ZBTB16: variants seen among roughly 807,000 people sequenced by gnomAD.
The protein encoded by ZBTB16 is zinc finger and BTB domain containing 16.
Under a neutral mutation model 56.8 loss-of-function variants are expected in ZBTB16, and 8 were observed. The ratio of observed to expected loss-of-function variants is 0.14; its 90% CI spans 0.08 to 0.25. The LOEUF is 0.25. ZBTB16 is among the 10% of genes least tolerant of loss of function. The pLI is 1.00. For synonymous variants in ZBTB16, 363 were observed against 368.5 expected (o/e 0.98, Z 0.17); for missense variants, 625 against 903.0 (o/e 0.69, Z 3.95).
chr11:114,063,134 CTTACTTT>C lies in ZBTB16; in HGVS notation c.-90-75_-90-69del. ...GGGGGCATGTTGTAGTGGTTGAATT[CTTACTTT>C]TAGGGACACTGATGAATTTGTCTTT... is the stretch of plus-strand genomic sequence containing the variant. On this transcript the variant is annotated intron_variant, in intron 1 of 6. Transcript: ENST00000335953. This position sits in a 1 kb window ranked among gnomAD's most constrained non-coding sequence, Gnocchi z 6.5. 1 of 748,680 alleles carries C rather than the reference CTTACTTT, an allele frequency of 1.3e-6. No individual in the cohort carries two copies. The highest frequency in any genetic ancestry group is 2.7e-5 in the East Asian group (1 of 37,108). 46.4% of individuals were successfully genotyped at this position (748,680 alleles called of 1,614,324 possible).
chr11:114,148,800 T>C (rs1170612661), intron 2 of ZBTB16, among the ~76,000 whole-genome samples: 1 of 151,934 alleles, frequency 6.6e-6, no homozygotes. Flanking sequence ...CCTGCCTGGC[T>C]TTCTTTCTAA....
intron 2 of ZBTB16, among the ~76,000 whole-genome samples, chr11:114,123,830 G>A (rs930973644): frequency 1.3e-5 from 2 of 152,104 alleles, no homozygotes; most frequent in African/African-American, 2.4e-5. Flanking sequence ...GAGCAGTGGA[G>A]CCACCCACCC....
chr11:114,173,996 G>A (rs550092116), intron 3 of ZBTB16, among the ~76,000 whole-genome samples: 8 of 152,314 alleles, frequency 5.3e-5, no homozygotes, highest in African/African-American at 1.2e-4. Context: ...CTAGAAGATC[G>A]TTTGTACGTT....
At chr11:114,233,361 G>A (rs1076045) in intron 4 of ZBTB16, among the ~76,000 whole-genome samples, 6,589 of 152,072 alleles carry the variant, frequency 0.043, 215 homozygotes, top group Non-Finnish European at 0.069. Flanking sequence ...CATATCTGAT[G>A]CTGGGAGGAA....
chr11:114,114,940 C>T (rs1941126419), intron 2 of ZBTB16, among the ~76,000 whole-genome samples: 1 of 152,160 alleles, frequency 6.6e-6, no homozygotes, highest in South Asian at 2.1e-4. Flanking sequence ...GCCTCGGCCT[C>T]CCAAAGTGCT....
chr11:114,221,669 G>A (rs1026552313), intron 4 of ZBTB16, among the ~76,000 whole-genome samples: 1 of 152,122 alleles, frequency 6.6e-6, no homozygotes, highest in African/African-American at 2.4e-5. Flanking sequence ...CTTGGGGGTT[G>A]TTTCTCTCCC....
intron 3 of ZBTB16, among the ~76,000 whole-genome samples, chr11:114,162,695 C>G (rs1942623607): frequency 6.6e-6 from 1 of 152,204 alleles, no homozygotes; most frequent in Non-Finnish European, 1.5e-5. Flanking sequence ...CCTTGACTCC[C>G]TCCACATTCC....
At chr11:114,241,603 C>G (rs912586293) in intron 4 of ZBTB16, among the ~76,000 whole-genome samples, 5 of 152,156 alleles carry the variant, frequency 3.3e-5, no homozygotes, top group African/African-American at 1.2e-4. Flanking sequence ...TGAAACCAGT[C>G]CCTTGTGCCA....
At position 114,256,422 on chromosome 11, in the gene ZBTB16, T is replaced by C. The variant is rs1223688352; in HGVS notation, c.*5867T>C. ...GAATCCGTGGCTGTGTTAGGATAAC[T>C]TGCTCAGGATTGCACGGCTGGTGAG... On this transcript the variant is annotated 3_prime_UTR_variant, in exon 7 of 7. Coordinates refer to ENST00000335953, the MANE Select transcript of ZBTB16 (RefSeq NM_006006.6). Among the ~76,000 whole-genome samples the C allele has an allele frequency of 6.6e-6, 1 of 152,172 alleles. No individual in the cohort carries two copies. The highest frequency in any genetic ancestry group is 1.5e-5 in the Non-Finnish European group (1 of 68,032).
chr11:114,249,217 G>C (rs985543772), intron 6 of ZBTB16, among the ~76,000 whole-genome samples: 1 of 151,806 alleles, frequency 6.6e-6, no homozygotes, highest in Admixed American at 6.6e-5. Flanking sequence ...CCAGGACTTT[G>C]GGAGGCCGAG....
intron 4 of ZBTB16, among the ~76,000 whole-genome samples, chr11:114,223,269 G>T (rs1208272643): frequency 6.6e-6 from 1 of 152,194 alleles, no homozygotes; most frequent in East Asian, 1.9e-4. Context: ...ACCCACAAAA[G>T]CCTATGCCCT....
intron 3 of ZBTB16, among the ~76,000 whole-genome samples, chr11:114,170,042 C>T (rs1199686701): frequency 1.3e-5 from 2 of 152,160 alleles, no homozygotes; most frequent in Admixed American, 1.3e-4. Flanking sequence ...GGCTGTGGGC[C>T]TCCTTGGCCT....
rs1945020810 is a variant in ZBTB16, at chr11:114,256,588, A to G, written c.*6033A>G. Among the ~76,000 whole-genome samples the G allele has an allele frequency of 6.6e-6, 1 of 152,206 alleles. No individual in the cohort carries two copies. The highest frequency in any genetic ancestry group is 1.5e-5 in the Non-Finnish European group (1 of 68,020). On this transcript the variant is annotated 3_prime_UTR_variant, in exon 7 of 7. Transcript: ENST00000335953. ...ACTCCTTAGTGGCTAAGCAAGCTTCAGAAATTTCTCAACAAGAAGCTTCCA... is the reference window on the plus strand; with the variant it reads ...ACTCCTTAGTGGCTAAGCAAGCTTCGGAAATTTCTCAACAAGAAGCTTCCA...
Position 114,144,375 on chromosome 11 carries a change from C to G in ZBTB16, c.1269-11962C>G, listed in dbSNP as rs528397911. Among the ~76,000 whole-genome samples the G allele has an allele frequency of 6.6e-5, 10 of 152,330 alleles. No homozygotes were observed. The East Asian group carries it at 1.5e-3, about 24-fold the overall frequency. On this transcript the variant is annotated intron_variant, in intron 2 of 6. Transcript: ENST00000335953. The stretch of plus-strand genomic sequence containing the variant: ...GACTGGCCATTGCTGGAATTACTGT[C>G]TCTTTGAAGTGCTTTCTACTGGGGC...
intron 3 of ZBTB16, among the ~76,000 whole-genome samples, chr11:114,163,939 T>C (rs1006051175): frequency 2.4e-4 from 37 of 152,248 alleles, no homozygotes; most frequent in African/African-American, 8.7e-4. Context: ...TTGCTTCCTG[T>C]AGAGCATCGA....
At chr11:114,210,740 C>T (rs1341167297) in intron 4 of ZBTB16, 1 of 218,176 alleles carries the variant, frequency 4.6e-6, no homozygotes, top group East Asian at 6.7e-5. Context: ...ACATCCCAGG[C>T]CTGGTGTTCA....
intron 2 of ZBTB16, among the ~76,000 whole-genome samples, chr11:114,113,166 G>A (rs1479369665): frequency 6.6e-6 from 1 of 152,226 alleles, no homozygotes; most frequent in African/African-American, 2.4e-5. Flanking sequence ...AGAGTGTCAT[G>A]TGATAGCAGA....
intron 4 of ZBTB16, among the ~76,000 whole-genome samples, chr11:114,216,932 C>A (rs189960641): frequency 1.4e-4 from 6 of 42,956 alleles, no homozygotes; most frequent in African/African-American, 4.2e-4. Context: ...CTGAGTGCAG[C>A]GATAGAGATA....
At chr11:114,083,822 CT>C (rs1300661615) in intron 2 of ZBTB16, among the ~76,000 whole-genome samples, 1 of 152,122 alleles carries the variant, frequency 6.6e-6, no homozygotes, top group Non-Finnish European at 1.5e-5. Flanking sequence ...GAATTCTGCT[CT>C]GTGGGTGATA....
Sources: gnomAD v4.1 joint callset for allele counts (sites outside exome capture counted in the v4.1 genomes callset) on GRCh38, gnomAD v4.1.1 for gene constraint, Gnocchi (gnomAD v3.1) non-coding constraint, MANE v1.5 for transcripts, NCBI Gene and HGNC (gene_info 2026-07-23, HGNC 2026-07-21) for gene names.